DENND1A: variants seen among roughly 807,000 people sequenced by gnomAD.
DENND1A encodes DENN domain containing 1A, also known as DENN domain-containing protein 1A.
DENND1A carries 51 observed loss-of-function variants against 113.7 expected under a neutral mutation model. The observed-to-expected ratio is 0.45, with a 90% CI of 0.36 to 0.57. The LOEUF is 0.57. Ranked by LOEUF, DENND1A falls within the 20% of genes least tolerant of loss-of-function variation. The probability of loss-of-function intolerance (pLI) is 0.00; values close to 1 mark genes in which losing one functional copy is unlikely to be tolerated. For missense variants in DENND1A, 1,258 were observed against 1,395.9 expected (o/e 0.90, Z 1.57); for synonymous variants, 565 against 570.8 (o/e 0.99, Z 0.14).
At chr9:123,597,080 T>C (rs2059727585) in intron 11 of DENND1A, among the ~76,000 whole-genome samples, 1 of 152,164 alleles carries the variant, frequency 6.6e-6, no homozygotes, top group East Asian at 1.9e-4. Context: ...CACCCTATCA[T>C]AAAATAGGAC....
At chr9:123,865,347 C>A (rs1845661066) in intron 2 of DENND1A, among the ~76,000 whole-genome samples, 1 of 152,200 alleles carries the variant, frequency 6.6e-6, no homozygotes, top group South Asian at 2.1e-4. Flanking sequence ...TCAGCTTGTT[C>A]CAGGGTCCAC....
intron 2 of DENND1A, among the ~76,000 whole-genome samples, chr9:123,833,081 C>T (rs1018159498): frequency 8.2e-5 from 11 of 134,654 alleles, no homozygotes; most frequent in Non-Finnish European, 1.2e-4. Flanking sequence ...GCTATGATTG[C>T]GCCACTGCGC....
intron 13 of DENND1A, among the ~76,000 whole-genome samples, chr9:123,532,285 T>C (rs1003948036): frequency 6.6e-6 from 1 of 152,230 alleles, no homozygotes; most frequent in South Asian, 2.1e-4. Context: ...AAAATTAACA[T>C]TGATACAATA....
At chr9:123,561,623 A>C (rs2057761759) in intron 12 of DENND1A, among the ~76,000 whole-genome samples, 1 of 152,098 alleles carries the variant, frequency 6.6e-6, no homozygotes, top group Non-Finnish European at 1.5e-5. Context: ...GTGCTGGTCA[A>C]ATCATTAACA....
intron 19 of DENND1A, among the ~76,000 whole-genome samples, chr9:123,423,335 C>A (rs1438534574): frequency 6.6e-6 from 1 of 152,254 alleles, no homozygotes; most frequent in East Asian, 1.9e-4. Flanking sequence ...CCTCCCCCAG[C>A]CAGCCCTCTT....
At position 123,884,996 on chromosome 9, in the gene DENND1A, C is replaced by T. The variant is rs530751523; in HGVS notation, c.18-5975G>A. Among the ~76,000 whole-genome samples, 690 of 123,552 alleles carry T rather than the reference C, an allele frequency of 5.6e-3. 19 individuals are homozygous for T. The highest frequency in any genetic ancestry group is 0.047 in the Admixed American group (622 of 13,156). 81.1% of individuals were successfully genotyped at this position (123,552 alleles called of 152,430 possible). On this transcript the variant is annotated intron_variant, in intron 1 of 23. Transcript: ENST00000394215. ...CTCCCACCTGACCTGCGAGCGCGCG[C>T]GCACACACACACACACACACACACA... is the stretch of plus-strand genomic sequence containing the variant.
chr9:123,600,291 T>C (rs1470753865), intron 11 of DENND1A, among the ~76,000 whole-genome samples: 11 of 152,204 alleles, frequency 7.2e-5, no homozygotes, highest in Non-Finnish European at 1.5e-4. Flanking sequence ...TTCCATTTAT[T>C]TGGCACTCAC....
chr9:123,746,001 T>C (rs1202335842), intron 5 of DENND1A, among the ~76,000 whole-genome samples: 1 of 152,232 alleles, frequency 6.6e-6, no homozygotes, highest in Non-Finnish European at 1.5e-5. Context: ...AAAGCTATAC[T>C]ATACTATTTA....
Position 123,757,791 on chromosome 9 carries a change from T to C in DENND1A, c.214A>G (p.Thr72Ala). The change falls in exon 5 of 24, where the codon ACA (threonine) becomes GCA (alanine). Residue 72 changes from threonine to alanine, a missense_variant. By Grantham distance (58) the Thr-to-Ala change is moderately conservative. Transcript: ENST00000394215. The stretch of plus-strand genomic sequence containing the variant: ...CTGTCAATGTCAGTGAGCACGAATG[T>C]GAAGTTCTGGCCAACTTGGCTAACT... The part of the protein sequence containing the change: ...LTVSQVGQNF[T>A]FVLTDIDSKQ... 1.9e-6 allele frequency: 3 copies of C among 1,613,966 alleles called. No homozygotes were observed. In the African/African-American group the frequency reaches 4.0e-5, roughly 22 times the overall value.
chr9:123,603,948 T>C (rs2060040770), intron 11 of DENND1A, among the ~76,000 whole-genome samples: 1 of 152,210 alleles, frequency 6.6e-6, no homozygotes, highest in African/African-American at 2.4e-5. Flanking sequence ...CAAATATCAA[T>C]TTACTTTATT....
At chr9:123,674,185 C>T (rs2063904249) in intron 6 of DENND1A, among the ~76,000 whole-genome samples, 1 of 152,142 alleles carries the variant, frequency 6.6e-6, no homozygotes, top group African/African-American at 2.4e-5. Flanking sequence ...CAGATGCCTG[C>T]CTTGCCCTGC....
At chr9:123,658,999 C>T (rs2139636655) in intron 8 of DENND1A, among the ~76,000 whole-genome samples, 1 of 152,298 alleles carries the variant, frequency 6.6e-6, no homozygotes, top group African/African-American at 2.4e-5. Context: ...GGCAAGTTAC[C>T]TCACTTCTCT....
intron 3 of DENND1A, among the ~76,000 whole-genome samples, chr9:123,780,050 C>T (rs1322032594): frequency 3.3e-5 from 5 of 152,030 alleles, no homozygotes; most frequent in Non-Finnish European, 5.9e-5. Context: ...GACAGGGTTT[C>T]GCCATGTTGG....
At chr9:123,649,740 C>T (rs576640432) in intron 9 of DENND1A, among the ~76,000 whole-genome samples, 1 of 152,202 alleles carries the variant, frequency 6.6e-6, no homozygotes, top group African/African-American at 2.4e-5. Context: ...TTTAAAAATT[C>T]CTGCTGCATC....
Position 123,402,052 on chromosome 9 carries a change from A to AG in DENND1A, c.1631+1349_1631+1350insC. The AG allele has an allele frequency of 2.5e-6, 3 of 1,211,420 alleles. No homozygotes were observed. The South Asian group carries it at 4.3e-5, about 17-fold the overall frequency. 75.0% of individuals were successfully genotyped at this position (1,211,420 alleles called of 1,614,324 possible). ...GAAATGTGACAAATTTCATCCCCTT[A>AG]AGGAGGAATCTTTAGTCCGAGGCAC... On this transcript the variant is annotated intron_variant, in intron 21 of 23. Transcript: ENST00000394215.
chr9:123,920,865 GC>G (rs1445862119), intron 1 of DENND1A, among the ~76,000 whole-genome samples: 1 of 152,060 alleles, frequency 6.6e-6, no homozygotes, highest in African/African-American at 2.4e-5. Context: ...GAGCTACCGG[GC>G]CTGGCTGGGG....
At chr9:123,500,322 C>T (rs1284467404) in intron 13 of DENND1A, among the ~76,000 whole-genome samples, 1 of 152,178 alleles carries the variant, frequency 6.6e-6, no homozygotes, top group Admixed American at 6.5e-5. Flanking sequence ...GGATTCCAAT[C>T]ACATCAGCTT....
chr9:123,783,936 C>T (rs1831716139), intron 3 of DENND1A, among the ~76,000 whole-genome samples: 1 of 152,110 alleles, frequency 6.6e-6, no homozygotes, highest in African/African-American at 2.4e-5. Context: ...CCCATTGCTG[C>T]CTAAAAGCTA....
chr9:123,426,985 AT>A (rs1428371809), intron 19 of DENND1A, among the ~76,000 whole-genome samples: 3 of 152,344 alleles, frequency 2.0e-5, no homozygotes, highest in Non-Finnish European at 4.4e-5. Context: ...CTTGAAGCAG[AT>A]AAAAAGCAAG....
Sources: allele counts gnomAD v4.1 joint callset (sites outside exome capture counted in the v4.1 genomes callset), GRCh38; gene constraint gnomAD v4.1.1; transcripts MANE v1.5; gene names NCBI Gene and HGNC (gene_info 2026-07-23, HGNC 2026-07-21).